Variants in DACH2 observed in about 807,000 individuals in gnomAD.
The protein encoded by DACH2 is dachshund homolog 2.
Under a neutral mutation model 35.8 loss-of-function variants are expected in DACH2, and 17 were observed. The observed-to-expected ratio is 0.48, with a 90% CI of 0.33 to 0.71. The LOEUF (loss-of-function observed/expected upper bound fraction) is 0.71, where lower values mean the gene tolerates loss of function less well. Among genes scored for constraint, DACH2 ranks in the 30% least tolerant of loss-of-function variants. DACH2 has a pLI of 0.02. For synonymous variants in DACH2, 195 were observed against 177.3 expected, an observed-to-expected ratio of 1.10 and a Z score of -0.79; for missense variants, 469 against 472.7, an observed-to-expected ratio of 0.99 and a Z score of 0.07.
intron 3 of DACH2, among the ~76,000 whole-genome samples, chrX:86,560,644 G>T (rs1372475192): frequency 1.2e-5 from 1 of 85,331 alleles, no homozygotes; most frequent in African/African-American, 4.5e-5. Context: ...AACAAGCAAT[G>T]GGGAAAGGAT....
chrX:86,571,363 T>C (rs1602658417), intron 3 of DACH2, among the ~76,000 whole-genome samples: 1 of 110,473 alleles, frequency 9.1e-6, no homozygotes, highest in Admixed American at 9.7e-5. Flanking sequence ...TTGTTACATA[T>C]GTATACATGT....
chrX:86,286,537 T>C (rs1205739479), intron 1 of DACH2, among the ~76,000 whole-genome samples: 1 of 111,552 alleles, frequency 9.0e-6, no homozygotes, highest in Non-Finnish European at 1.9e-5. Context: ...CCTTCATTTT[T>C]TCCCTTCCTG....
intron 2 of DACH2, among the ~76,000 whole-genome samples, chrX:86,422,238 G>T (rs1230399842): frequency 9.0e-6 from 1 of 111,003 alleles, no homozygotes; most frequent in Admixed American, 9.6e-5. Context: ...GGGAAAAAAA[G>T]GTGCAGATCC....
At chrX:86,631,335 T>C (rs1172684317) in intron 3 of DACH2, among the ~76,000 whole-genome samples, 1 of 112,093 alleles carries the variant, frequency 8.9e-6, no homozygotes, top group Non-Finnish European at 1.9e-5. Flanking sequence ...ATCTTCCCAG[T>C]TGATTTGTAG....
At chrX:86,625,209 AGTGTGTGTGT>A (rs72281959) in intron 3 of DACH2, among the ~76,000 whole-genome samples, 10,798 of 85,315 alleles carry the variant, frequency 0.13, 618 homozygotes, top group South Asian at 0.3. Flanking sequence ...AAACCTTCTT[AGTGTGTGTGT>A]GTGTGTGTGT....
chrX:86,550,147 T>A (rs1438424367), intron 3 of DACH2, among the ~76,000 whole-genome samples: 1 of 111,684 alleles, frequency 9.0e-6, no homozygotes, highest in Non-Finnish European at 1.9e-5. Context: ...TGCATAATTC[T>A]TGGTGATACA....
intron 7 of DACH2, among the ~76,000 whole-genome samples, chrX:86,744,169 T>G (rs1659694669): frequency 9.0e-6 from 1 of 111,330 alleles, no homozygotes; most frequent in Admixed American, 9.6e-5. Context: ...GCACTGGTAT[T>G]TCTGAATTTC....
intron 3 of DACH2, among the ~76,000 whole-genome samples, chrX:86,600,022 G>A (rs1462637286): frequency 1.8e-5 from 2 of 111,094 alleles, no homozygotes; most frequent in African/African-American, 6.5e-5. Context: ...TGAGAAATGA[G>A]AAATGGTTTG....
At chrX:86,392,276 T>G (rs963821793) in intron 2 of DACH2, among the ~76,000 whole-genome samples, 1 of 111,714 alleles carries the variant, frequency 9.0e-6, no homozygotes, top group African/African-American at 3.2e-5. Context: ...TACTCTGTGA[T>G]GTATAAAATG....
intron 3 of DACH2, among the ~76,000 whole-genome samples, chrX:86,611,637 C>T (rs752909488): frequency 9.0e-6 from 1 of 111,317 alleles, no homozygotes; most frequent in South Asian, 3.8e-4. Flanking sequence ...GGTCTAAATT[C>T]TCCCTCTGTA....
chrX:86,366,108 A>G (rs1223884326), intron 1 of DACH2, among the ~76,000 whole-genome samples: 1 of 111,233 alleles, frequency 9.0e-6, no homozygotes, highest in South Asian at 3.8e-4. Flanking sequence ...TTTTGTGTAC[A>G]TTGTCTTTTG....
chrX:86,327,606 T>C (rs747450886), intron 1 of DACH2, among the ~76,000 whole-genome samples: 2 of 100,055 alleles, frequency 2.0e-5, no homozygotes, highest in South Asian at 9.1e-4. Flanking sequence ...GAAAAGTTAG[T>C]GTTGTAAACA....
At chrX:86,401,600 A>G (rs919759191) in intron 2 of DACH2, among the ~76,000 whole-genome samples, 3 of 111,273 alleles carry the variant, frequency 2.7e-5, no homozygotes, top group Non-Finnish European at 3.8e-5. Context: ...TTTTGCATAA[A>G]TAGGCAAAAG....
intron 1 of DACH2, among the ~76,000 whole-genome samples, chrX:86,318,282 C>T (rs1338608253): frequency 9.0e-6 from 1 of 111,446 alleles, no homozygotes; most frequent in East Asian, 2.9e-4. Flanking sequence ...TAGTTCAGTC[C>T]ATTCCATTAA....
intron 1 of DACH2, among the ~76,000 whole-genome samples, chrX:86,292,703 C>T (rs1211203218): frequency 9.0e-6 from 1 of 111,552 alleles, no homozygotes; most frequent in Non-Finnish European, 1.9e-5. Context: ...CATTCAGGAG[C>T]AGGTTGTTCT....
intron 1 of DACH2, among the ~76,000 whole-genome samples, chrX:86,230,902 A>T (rs2032934943): frequency 1.8e-5 from 2 of 111,872 alleles, no homozygotes; most frequent in African/African-American, 6.5e-5. Context: ...CTTGCAAATG[A>T]TATATCAATC....
chrX:86,420,239 ATAAG>A (rs1048785935), intron 2 of DACH2, among the ~76,000 whole-genome samples: 2 of 112,159 alleles, frequency 1.8e-5, no homozygotes, highest in Non-Finnish European at 1.9e-5. Context: ...TGCCAGATAA[ATAAG>A]TAACTGCACT....
intron 3 of DACH2, among the ~76,000 whole-genome samples, chrX:86,548,830 T>C (rs2039009200): frequency 8.9e-6 from 1 of 112,372 alleles, no homozygotes; most frequent in Admixed American, 9.5e-5. Context: ...AGTTTTCTGT[T>C]CACTTCTGCT....
intron 1 of DACH2, among the ~76,000 whole-genome samples, chrX:86,358,369 G>A (rs767748324): frequency 1.9e-5 from 2 of 107,784 alleles, no homozygotes; most frequent in Non-Finnish European, 3.8e-5. Context: ...TTTTAAGTAC[G>A]ATTCAAAGTA....
Sources: allele counts gnomAD v4.1 joint callset (sites outside exome capture counted in the v4.1 genomes callset), GRCh38; gene constraint gnomAD v4.1.1; transcripts MANE v1.5; gene names NCBI Gene and HGNC (gene_info 2026-07-23, HGNC 2026-07-21).